DCLK2: variants seen among roughly 807,000 people sequenced by gnomAD.
The protein encoded by DCLK2 is serine/threonine-protein kinase DCLK2.
Under a neutral mutation model 78.4 loss-of-function variants are expected in DCLK2, and 31 were observed. That is an observed-to-expected ratio of 0.40 (90% CI 0.30 to 0.53). DCLK2 has a LOEUF of 0.53. DCLK2 is among the 20% of genes least tolerant of loss of function. The pLI is 0.61. For synonymous variants in DCLK2, 407 were observed against 374.9 expected, an observed-to-expected ratio of 1.09 and a Z score of -0.99; for missense variants, 872 against 973.7, an observed-to-expected ratio of 0.90 and a Z score of 1.39.
chr4:150,226,905 A>G (rs1224826700), intron 8 of DCLK2, among the ~76,000 whole-genome samples: 1 of 152,208 alleles, frequency 6.6e-6, no homozygotes, highest in Non-Finnish European at 1.5e-5. Flanking sequence ...GGTGGTATTC[A>G]GTCACTGTTT....
At chr4:150,155,761 G>A (rs1386389390) in intron 2 of DCLK2, among the ~76,000 whole-genome samples, 4 of 152,162 alleles carry the variant, frequency 2.6e-5, no homozygotes, top group African/African-American at 7.2e-5. Flanking sequence ...TACCCTAGGA[G>A]CAATGGGAAG....
intron 8 of DCLK2, among the ~76,000 whole-genome samples, chr4:150,228,752 C>T (rs561343447): frequency 7.9e-5 from 12 of 152,250 alleles, no homozygotes; most frequent in Admixed American, 2.6e-4. Flanking sequence ...TGGGGCCGGG[C>T]GCGGTGGCTC....
chr4:150,240,295 A>T, intron 11 of DCLK2, 104 bp from the exon 12 acceptor site: 1 of 944,112 alleles, frequency 1.1e-6, no homozygotes, highest in Non-Finnish European at 1.6e-6. Flanking sequence ...ATAATTTAAC[A>T]CTAAAATAAT....
intron 5 of DCLK2, among the ~76,000 whole-genome samples, chr4:150,218,106 C>T (rs1342768965): frequency 2.0e-5 from 2 of 97,914 alleles, no homozygotes. Flanking sequence ...CCCCCCACAA[C>T]GAGGCCCCCT....
chr4:150,102,464 A>G lies in DCLK2; in HGVS notation c.422-14A>G. ...GAGATAATCATGCTAATAAAATCAA[A>G]TTTTGCTTTTTAGGTGAGAGTTACG... On this transcript the variant is annotated splice_polypyrimidine_tract_variant and intron_variant, in intron 1 of 15. Coordinates refer to ENST00000296550, the MANE Select transcript of DCLK2 (RefSeq NM_001040260.4). 1 of 1,604,634 alleles carries G rather than the reference A, an allele frequency of 6.2e-7. No homozygotes were observed. Among genetic ancestry groups the G allele is most frequent in the African/African-American group, 1.3e-5 (1 of 74,518 alleles).
intron 5 of DCLK2, chr4:150,209,595 G>C (rs1333135318): frequency 6.6e-6 from 1 of 152,246 alleles, no homozygotes; most frequent in African/African-American, 2.4e-5. Context: ...GGTGCCCCCT[G>C]GTGTGCAGCT....
At chr4:150,243,714 C>G (rs1313944637) in intron 12 of DCLK2, among the ~76,000 whole-genome samples, 1 of 151,652 alleles carries the variant, frequency 6.6e-6, no homozygotes, top group Admixed American at 6.6e-5. Flanking sequence ...GACATGTGTT[C>G]TCTTTCTAGT....
chr4:150,102,791 C>G lies in DCLK2; in HGVS notation c.735C>G (p.Leu245=), dbSNP rs574977290. 3 of 1,607,436 alleles carry G rather than the reference C, an allele frequency of 1.9e-6. No homozygotes were observed. Among genetic ancestry groups the G allele is most frequent in the Non-Finnish European group, 2.5e-6 (3 of 1,176,646 alleles). The change falls in exon 2 of 16, where the codon CTC becomes CTG. Residue 245 remains leucine, a synonymous_variant. Transcript: ENST00000296550. The part of the protein sequence containing the change: ...IKLDSGVVKR[L]CTLDGKQVTC... ...TAGACTCAGGAGTCGTCAAGAGGCTCTGCACCCTGGATGGAAAGCAGGTAA... is the reference window on the plus strand; with the variant it reads ...TAGACTCAGGAGTCGTCAAGAGGCTGTGCACCCTGGATGGAAAGCAGGTAA...
At chr4:150,198,565 G>A (rs1739230221) in intron 4 of DCLK2, among the ~76,000 whole-genome samples, 1 of 152,054 alleles carries the variant, frequency 6.6e-6, no homozygotes, top group Non-Finnish European at 1.5e-5. Context: ...AGTGATTATT[G>A]TTGAAAAGTA....
At chr4:150,096,663 A>G (rs1056784555) in intron 1 of DCLK2, among the ~76,000 whole-genome samples, 3 of 152,222 alleles carry the variant, frequency 2.0e-5, no homozygotes, top group African/African-American at 7.2e-5. Context: ...ACTGGTGTCC[A>G]GTGCCCTCAG....
At chr4:150,116,307 C>T (rs966491628) in intron 2 of DCLK2, among the ~76,000 whole-genome samples, 2 of 152,160 alleles carry the variant, frequency 1.3e-5, no homozygotes, top group African/African-American at 4.8e-5. Flanking sequence ...ACTCCCTTCT[C>T]CAAGATCCTT....
chr4:150,253,160 C>A (rs1039627986), intron 15 of DCLK2: 1 of 471,978 alleles, frequency 2.1e-6, no homozygotes, highest in Non-Finnish European at 4.4e-6. Context: ...GTCTTCGGAA[C>A]AGTTTTAAGT....
At chr4:150,080,407 C>T (rs1196828892) in intron 1 of DCLK2, among the ~76,000 whole-genome samples, 1 of 152,150 alleles carries the variant, frequency 6.6e-6, no homozygotes, top group Admixed American at 6.5e-5. Flanking sequence ...GTAGAAAAGG[C>T]ATTATCAGTG....
At chr4:150,122,156 A>G (rs1417289359) in intron 2 of DCLK2, among the ~76,000 whole-genome samples, 7 of 152,198 alleles carry the variant, frequency 4.6e-5, no homozygotes, top group African/African-American at 1.7e-4. Context: ...AAAATTTGTC[A>G]TTCCTCCCGA....
At position 150,079,465 on chromosome 4, in the gene DCLK2, C is replaced by T; in HGVS notation, c.421+17C>T. ...TGCTGGAAGGTAGGAGGGGAGGGCG[C>T]CGCACGGCAGGTGCGGCGGAGCGCC... On this transcript the variant is annotated intron_variant, in intron 1 of 15. Transcript: ENST00000296550. 6.8e-7 allele frequency: 1 copy of T among 1,464,156 alleles called. No individual in the cohort carries two copies. The highest frequency in any genetic ancestry group is 9.0e-7 in the Non-Finnish European group (1 of 1,106,796). 90.7% of individuals were successfully genotyped at this position (1,464,156 alleles called of 1,614,324 possible).
chr4:150,221,803 ATAAT>A lies in DCLK2; in HGVS notation c.1241+23_1241+26del, dbSNP rs1258623106. 7.3e-7 allele frequency: 1 copy of A among 1,361,570 alleles called. No individual in the cohort carries two copies. Among genetic ancestry groups the A allele is most frequent in the Middle Eastern group, 1.8e-4 (1 of 5,590 alleles). 84.3% of individuals were successfully genotyped at this position (1,361,570 alleles called of 1,614,324 possible). On this transcript the variant is annotated intron_variant, in intron 7 of 15. Coordinates refer to ENST00000296550, the MANE Select transcript of DCLK2 (RefSeq NM_001040260.4). The stretch of plus-strand genomic sequence containing the variant: ...ATAGACAGGTGAGTGGACAGTGAGG[ATAAT>A]TAATGAATAATGAAAATGATAAATA...
At chr4:150,164,689 C>T (rs1378927373) in intron 2 of DCLK2, among the ~76,000 whole-genome samples, 2 of 152,082 alleles carry the variant, frequency 1.3e-5, no homozygotes, top group African/African-American at 4.8e-5. Flanking sequence ...GTCCCAGCTA[C>T]TTGGGAGGCT....
intron 2 of DCLK2, among the ~76,000 whole-genome samples, chr4:150,111,960 G>A (rs1280895566): frequency 2.0e-5 from 3 of 151,832 alleles, no homozygotes; most frequent in Non-Finnish European, 4.4e-5. Flanking sequence ...CTCTTTTTTG[G>A]TTCCGTATGA....
At chr4:150,153,528 G>T (rs6535712) in intron 2 of DCLK2, among the ~76,000 whole-genome samples, 1 of 151,550 alleles carries the variant, frequency 6.6e-6, no homozygotes, top group Non-Finnish European at 1.5e-5. Context: ...CTTACCCACC[G>T]CAGCAGTAGC....
Sources: gnomAD v4.1 joint callset for allele counts (sites outside exome capture counted in the v4.1 genomes callset) on GRCh38, gnomAD v4.1.1 for gene constraint, MANE v1.5 for transcripts, NCBI Gene and HGNC (gene_info 2026-07-23, HGNC 2026-07-21) for gene names.